ABLIM2: variants seen among roughly 807,000 people sequenced by gnomAD.
ABLIM2 encodes the protein actin binding LIM protein family member 2, also known as actin-binding LIM protein 2.
In ABLIM2, 53 loss-of-function variants were observed where a neutral mutation model predicts 97.7. The observed-to-expected ratio is 0.54, with a 90% CI of 0.44 to 0.68. The LOEUF is 0.68. Ranked by LOEUF, ABLIM2 falls within the 30% of genes least tolerant of loss-of-function variation. The probability of loss-of-function intolerance (pLI) is 0.00; values close to 1 mark genes in which losing one functional copy is unlikely to be tolerated. For synonymous variants in ABLIM2, 361 were observed against 345.8 expected (o/e 1.04, Z -0.49); for missense variants, 835 against 867.2 (o/e 0.96, Z 0.47).
At chr4:8,080,007 A>C (rs1426761478) in intron 5 of ABLIM2, among the ~76,000 whole-genome samples, 1 of 152,144 alleles carries the variant, frequency 6.6e-6, no homozygotes. Flanking sequence ...TGCCTGCCTC[A>C]GGTCCCCAAT....
intron 7 of ABLIM2, among the ~76,000 whole-genome samples, chr4:8,056,028 G>A (rs907195780): frequency 4.1e-5 from 6 of 146,474 alleles, no homozygotes; most frequent in Admixed American, 2.1e-4. Flanking sequence ...CAGGAGAATC[G>A]CTTGAACTTG....
At chr4:8,036,063 T>G (rs1160112505) in intron 10 of ABLIM2, 86 bp downstream of exon 10, 3 of 1,506,228 alleles carry the variant, frequency 2.0e-6, no homozygotes, top group African/African-American at 2.7e-5. Context: ...TCTGGCCCCA[T>G]AGGACACATG....
rs1256805086 is a variant in ABLIM2, at chr4:8,088,259, C to G, written c.364G>C (p.Val122Leu). The change falls in exon 4 of 21, where the codon GTG becomes CTG. Residue 122 changes from valine to leucine, a missense_variant. Physicochemically the swap from Val to Leu is conservative, Grantham distance 32. Transcript: ENST00000447017. ...ATGCATTCCTTCCCGTTGAAGGTCA[C>G]TCGGTCCCCGGGGGGGAAGGGCAGC... ...CRLPFPPGDR[V>L]TFNGKECMCQ... 1 of 1,612,960 alleles carries G rather than the reference C, an allele frequency of 6.2e-7. No homozygotes were observed. Among genetic ancestry groups the G allele is most frequent in the Non-Finnish European group, 8.5e-7 (1 of 1,179,636 alleles).
At position 8,054,277 on chromosome 4, in the gene ABLIM2, T is replaced by C; in HGVS notation, c.764-31A>G. The stretch of plus-strand genomic sequence containing the variant: ...GACAAATTCCCAAGAGGGAAATGAT[T>C]AGAGTTATTTCCCATGTTGCAGGGG... On this transcript the variant is annotated intron_variant, in intron 7 of 20. Transcript: ENST00000447017. The surrounding 1 kb of genome is among the most constrained non-coding windows in gnomAD (Gnocchi z 4.9). 1 of 1,612,220 alleles carries C rather than the reference T, an allele frequency of 6.2e-7. No individual in the cohort carries two copies. The highest frequency in any genetic ancestry group is 8.5e-7 in the Non-Finnish European group (1 of 1,178,492).
At chr4:8,108,497 C>T (rs895320920) in intron 1 of ABLIM2, among the ~76,000 whole-genome samples, 6 of 152,200 alleles carry the variant, frequency 3.9e-5, no homozygotes, top group Middle Eastern at 3.2e-3. Context: ...GGCAGACTCG[C>T]GGGGAGGCGA....
At chr4:8,045,436 G>T (rs537883400) in intron 8 of ABLIM2, among the ~76,000 whole-genome samples, 195 bp from the exon 9 acceptor site, 45 of 152,326 alleles carry the variant, frequency 3.0e-4, no homozygotes, top group African/African-American at 1.0e-3. Context: ...GGATCACGAG[G>T]TCAGGAGTTC....
intron 8 of ABLIM2, among the ~76,000 whole-genome samples, chr4:8,053,327 T>C (rs1797172902): frequency 6.6e-6 from 1 of 152,240 alleles, no homozygotes; most frequent in Non-Finnish European, 1.5e-5. Context: ...CCAATGTTCA[T>C]CTTGCATATG....
intron 1 of ABLIM2, among the ~76,000 whole-genome samples, chr4:8,136,017 C>T (rs1234845156): frequency 6.6e-6 from 1 of 152,258 alleles, no homozygotes; most frequent in Non-Finnish European, 1.5e-5. Flanking sequence ...ACATTCACAG[C>T]AGCAGAATCT....
chr4:8,132,358 C>G lies in ABLIM2; in HGVS notation c.11-25721G>C, dbSNP rs1223405148. Among the ~76,000 whole-genome samples, 2 of 152,198 alleles carry G rather than the reference C, an allele frequency of 1.3e-5. No homozygotes were observed. The highest frequency in any genetic ancestry group is 2.9e-5 in the Non-Finnish European group (2 of 68,030). ...GAAGTAATGAGATCAGGCCCTGACA[C>G]ATGGGACAGGTGAGAGAGATTTTCA... On this transcript the variant is annotated intron_variant, in intron 1 of 20. Coordinates refer to ENST00000447017, the MANE Select transcript of ABLIM2 (RefSeq NM_001130083.2). This position sits in a 1 kb window ranked among gnomAD's most constrained non-coding sequence, Gnocchi z 8.0.
chr4:8,007,984 C>T (rs1762505145), intron 16 of ABLIM2, 75 bp downstream of exon 16: 1 of 1,587,122 alleles, frequency 6.3e-7, no homozygotes, highest in Non-Finnish European at 8.6e-7. Flanking sequence ...AGGGGGATAG[C>T]TCTGAGTTCT....
At chr4:8,135,128 G>T (rs545434427) in intron 1 of ABLIM2, among the ~76,000 whole-genome samples, 128 of 152,190 alleles carry the variant, frequency 8.4e-4, no homozygotes, top group Non-Finnish European at 1.7e-3. Flanking sequence ...GTGTGTCCGT[G>T]GCACAAAAGA....
rs1560912255 is a variant in ABLIM2, at chr4:8,044,974, C to G, written c.900+190G>C. Among the ~76,000 whole-genome samples, 1 of 152,180 alleles carries G rather than the reference C, an allele frequency of 6.6e-6. No homozygotes were observed. Among genetic ancestry groups the G allele is most frequent in the Non-Finnish European group, 1.5e-5 (1 of 68,040 alleles). Reference sequence around the variant, plus strand: ...GAATTGCCGGGTCAAACAAACATGTCTGTGTTTCAGACTCATAAAGCCTGT... The same window carrying G: ...GAATTGCCGGGTCAAACAAACATGTGTGTGTTTCAGACTCATAAAGCCTGT... On this transcript the variant is annotated intron_variant, in intron 9 of 20. Transcript: ENST00000447017. The surrounding 1 kb of genome is among the most constrained non-coding windows in gnomAD (Gnocchi z 4.4).
At chr4:7,971,849 C>T (rs913517476) in intron 20 of ABLIM2, among the ~76,000 whole-genome samples, 15 of 152,186 alleles carry the variant, frequency 9.9e-5, no homozygotes, top group South Asian at 2.1e-4. Context: ...ACAGCCACCC[C>T]TCTGTACCAG....
chr4:8,081,538 G>A (rs1214782533), intron 4 of ABLIM2, among the ~76,000 whole-genome samples: 5 of 152,248 alleles, frequency 3.3e-5, no homozygotes, highest in Admixed American at 2.0e-4. Flanking sequence ...CAGAGCGGGT[G>A]GAGCAGGCTG....
At position 8,125,293 on chromosome 4, in the gene ABLIM2, C is replaced by A. The variant is rs539873315; in HGVS notation, c.11-18656G>T. ...TTCTAAGAAACCATCGCCTGATCCA[C>A]CGTCATGAAGATGCGCTTCTGAGTG... On this transcript the variant is annotated intron_variant, in intron 1 of 20. Transcript: ENST00000447017. This position sits in a 1 kb window ranked among gnomAD's most constrained non-coding sequence, Gnocchi z 6.2. Among the ~76,000 whole-genome samples the A allele has an allele frequency of 6.6e-6, 1 of 152,294 alleles. No homozygotes were observed. Among genetic ancestry groups the A allele is most frequent in the Admixed American group, 6.5e-5 (1 of 15,290 alleles).
chr4:8,091,794 G>T (rs2385920), intron 3 of ABLIM2, among the ~76,000 whole-genome samples: 91,721 of 92,916 alleles, frequency 0.99, 45,282 homozygotes, highest in Middle Eastern at 1. Flanking sequence ...AATAATTATA[G>T]AATTAATATA....
chr4:8,087,392 C>T lies in ABLIM2; in HGVS notation c.454+777G>A, dbSNP rs570872121. Among the ~76,000 whole-genome samples the T allele has an allele frequency of 2.6e-5, 4 of 152,244 alleles. No homozygotes were observed. Among genetic ancestry groups the T allele is most frequent in the African/African-American group, 9.6e-5 (4 of 41,530 alleles). On this transcript the variant is annotated intron_variant, in intron 4 of 20. Transcript: ENST00000447017. This position sits in a 1 kb window ranked among gnomAD's most constrained non-coding sequence, Gnocchi z 4.6. ...CTTCGGCTGGCATTTGTTTTTTTTCCACACTAACAACCTCCTGCTTCCTAA... is the reference window on the plus strand; with the variant it reads ...CTTCGGCTGGCATTTGTTTTTTTTCTACACTAACAACCTCCTGCTTCCTAA...
chr4:8,153,417 G>A (rs558892976), intron 1 of ABLIM2, among the ~76,000 whole-genome samples: 5 of 152,194 alleles, frequency 3.3e-5, no homozygotes, highest in East Asian at 3.8e-4. Context: ...TGCACATCAC[G>A]GAAGAACAGG....
chr4:8,047,244 C>G (rs1793088448), intron 8 of ABLIM2, among the ~76,000 whole-genome samples: 1 of 152,192 alleles, frequency 6.6e-6, no homozygotes, highest in Non-Finnish European at 1.5e-5. Context: ...GGGCATGACA[C>G]TCCACCACCT....
Sources: gnomAD v4.1 joint callset for allele counts (sites outside exome capture counted in the v4.1 genomes callset) on GRCh38, gnomAD v4.1.1 for gene constraint, Gnocchi (gnomAD v3.1) non-coding constraint, MANE v1.5 for transcripts, NCBI Gene and HGNC (gene_info 2026-07-23, HGNC 2026-07-21) for gene names.